CACNA1C: variants seen among roughly 807,000 people sequenced by gnomAD.
CACNA1C encodes the protein calcium voltage-gated channel subunit alpha1 C, also known as voltage-dependent L-type calcium channel subunit alpha-1C.
A neutral mutation model predicts 229.0 loss-of-function variants in CACNA1C; 30 were observed. The ratio of observed to expected loss-of-function variants is 0.13; its 90% CI spans 0.10 to 0.18. The LOEUF (loss-of-function observed/expected upper bound fraction) is 0.18, where lower values mean the gene tolerates loss of function less well. CACNA1C is among the 10% of genes least tolerant of loss of function. The pLI is 1.00. For missense variants in CACNA1C, 1,658 were observed against 2,845.0 expected (o/e 0.58, Z 9.49); for synonymous variants, 1,114 against 1,132.5 (o/e 0.98, Z 0.33).
chr12:2,201,331 G>T (rs2097574710), intron 3 of CACNA1C, among the ~76,000 whole-genome samples: 1 of 152,192 alleles, frequency 6.6e-6, no homozygotes. Context: ...ATAGTTTGGT[G>T]TTCTTATGTG....
intron 5 of CACNA1C, among the ~76,000 whole-genome samples, chr12:2,483,574 A>C (rs561917617): frequency 2.3e-4 from 35 of 152,204 alleles, no homozygotes; most frequent in Non-Finnish European, 4.4e-4. Flanking sequence ...TATAATTAGC[A>C]TGTATTATTT....
Position 2,519,447 on chromosome 12 carries a change from C to T in CACNA1C, c.1390+6463C>T, listed in dbSNP as rs142484281. On this transcript the variant is annotated intron_variant, in intron 9 of 46. Coordinates refer to ENST00000399655, the MANE Select transcript of CACNA1C (RefSeq NM_000719.7). ...AGAATTGACTTCCTTGTGGCATCACCGATGACATCCTTTCAAAGTCATTTC... is the reference window on the plus strand; with the variant it reads ...AGAATTGACTTCCTTGTGGCATCACTGATGACATCCTTTCAAAGTCATTTC... Among the ~76,000 whole-genome samples, 409 of 152,324 alleles carry T rather than the reference C, an allele frequency of 2.7e-3. 4 individuals carry two copies. Among genetic ancestry groups the T allele is most frequent in the African/African-American group, 9.4e-3 (390 of 41,564 alleles).
chr12:2,028,781 C>T (rs552801656), intron 1 of CACNA1C, among the ~76,000 whole-genome samples: 46 of 138,566 alleles, frequency 3.3e-4, no homozygotes, highest in African/African-American at 1.2e-3. Flanking sequence ...TCTGTTTTCT[C>T]GATTGTAAAA....
At position 2,078,759 on chromosome 12, in the gene CACNA1C, C is replaced by T. The variant is rs1195909821; in HGVS notation, c.49+25148C>T. ...ATCTAGAACTAGAAATACCATTTGA[C>T]CCAGCCATCCCATTACTGGGTATAT... On this transcript the variant is annotated intron_variant, in intron 1 of 46. Coordinates refer to ENST00000399655, the MANE Select transcript of CACNA1C (RefSeq NM_000719.7). Among the ~76,000 whole-genome samples the T allele has an allele frequency of 5.9e-5, 9 of 152,256 alleles. No homozygotes were observed. The South Asian group carries it at 1.5e-3, about 25-fold the overall frequency.
At chr12:2,169,629 G>A (rs2096393517) in intron 3 of CACNA1C, among the ~76,000 whole-genome samples, 1 of 152,192 alleles carries the variant, frequency 6.6e-6, no homozygotes, top group African/African-American at 2.4e-5. Flanking sequence ...TGGAACATGT[G>A]GTCGCAGCAT....
At chr12:2,125,052 C>T (rs1216043994) in intron 3 of CACNA1C, among the ~76,000 whole-genome samples, 1 of 151,966 alleles carries the variant, frequency 6.6e-6, no homozygotes, top group Non-Finnish European at 1.5e-5. Context: ...CACAGCCAGA[C>T]CCTGGAGAAC....
chr12:2,015,666 A>T (rs955457276), intron 1 of CACNA1C, among the ~76,000 whole-genome samples: 24 of 152,208 alleles, frequency 1.6e-4, no homozygotes, highest in Non-Finnish European at 2.9e-5. Flanking sequence ...GCTCATCCAG[A>T]GGAGTTAATA....
chr12:2,586,876 G>A (rs1406507886), intron 18 of CACNA1C, among the ~76,000 whole-genome samples: 1 of 152,196 alleles, frequency 6.6e-6, no homozygotes, highest in Non-Finnish European at 1.5e-5. Context: ...GAAAGAACAG[G>A]AAGGGCGTTT....
Position 2,034,414 on chromosome 12 carries a change from A to G in CACNA1C, c.139+63213A>G, listed in dbSNP as rs2048745467. ...ACGCAACCTGATAAAGAACTTGCTC[A>G]TGGTCAGAGTTGTCCAGAGATGGGA... On this transcript the variant is annotated intron_variant, in intron 1 of 46. Coordinates refer to the CACNA1C transcript ENST00000682462. This position sits in a 1 kb window ranked among gnomAD's most constrained non-coding sequence, Gnocchi z 4.1. Among the ~76,000 whole-genome samples the G allele has an allele frequency of 6.6e-6, 1 of 152,232 alleles. No individual in the cohort carries two copies.
chr12:2,360,347 C>T (rs887146191), intron 3 of CACNA1C, among the ~76,000 whole-genome samples: 49 of 152,274 alleles, frequency 3.2e-4, no homozygotes, highest in African/African-American at 9.9e-4. Flanking sequence ...GCTCAGGAGC[C>T]CAGGCCACAC....
At chr12:2,412,792 G>A (rs2098823019) in intron 3 of CACNA1C, among the ~76,000 whole-genome samples, 1 of 152,156 alleles carries the variant, frequency 6.6e-6, no homozygotes, top group Admixed American at 6.5e-5. Context: ...AGGAATAAAC[G>A]TGTCTGAATG....
chr12:2,575,639 A>AT lies in CACNA1C; in HGVS notation c.1896-5942dup, dbSNP rs140476041. ...AGATCACTTGCCACCGAAACTAAGA[A>AT]TTTTTTTTTAGCCTTCAGGATGAGA... On this transcript the variant is annotated intron_variant, in intron 13 of 46. Transcript: ENST00000399655. This position sits in a 1 kb window ranked among gnomAD's most constrained non-coding sequence, Gnocchi z 4.0. Among the ~76,000 whole-genome samples the AT allele has an allele frequency of 1.9e-3, 294 of 151,720 alleles. No homozygotes were observed. Among genetic ancestry groups the AT allele is most frequent in the Non-Finnish European group, 3.7e-3 (251 of 67,886 alleles).
chr12:2,687,538 C>CTTTT (rs35920419), intron 45 of CACNA1C, among the ~76,000 whole-genome samples: 1 of 138,204 alleles, frequency 7.2e-6, no homozygotes, highest in African/African-American at 2.7e-5. Context: ...TACCGTGTGA[C>CTTTT]TTTTTTTTTT....
chr12:2,653,693 T>C lies in CACNA1C; in HGVS notation c.4075-142T>C. ...CCTTCTCGCAGGTTCCCCGTAGTCC[T>C]GTGGGACTCTTGGAAGTGTCCCCCG... On this transcript the variant is annotated intron_variant, in intron 32 of 46. Coordinates refer to ENST00000399655, the MANE Select transcript of CACNA1C (RefSeq NM_000719.7). The surrounding 1 kb of genome is among the most constrained non-coding windows in gnomAD (Gnocchi z 4.7). The C allele has an allele frequency of 1.4e-6, 1 of 690,430 alleles. No individual in the cohort carries two copies. Among genetic ancestry groups the C allele is most frequent in the Non-Finnish European group, 2.6e-6 (1 of 386,782 alleles). The allele number at this position is 690,430 out of a possible 1,614,324, so 42.8% of individuals were successfully genotyped here. A position where few individuals can be genotyped will look rare whatever the true frequency, so the allele number is the denominator to read the frequency against.
At chr12:2,030,824 C>A (rs1053001993) in intron 1 of CACNA1C, among the ~76,000 whole-genome samples, 1 of 152,204 alleles carries the variant, frequency 6.6e-6, no homozygotes, top group South Asian at 2.1e-4. Flanking sequence ...GCTCAGGGAA[C>A]TTAGTTGAGG....
chr12:2,058,334 C>T (rs186817835), intron 1 of CACNA1C, among the ~76,000 whole-genome samples: 2,215 of 152,298 alleles, frequency 0.015, 198 homozygotes, highest in Admixed American at 0.13. Flanking sequence ...CAGTGCTGAG[C>T]ATTCAGATTT....
rs569182295 is a variant in CACNA1C at position 2,639,726 on chromosome 12, T to C, written c.3912+5346T>C. Among the ~76,000 whole-genome samples, 1 of 152,262 alleles carries C rather than the reference T, an allele frequency of 6.6e-6. No individual in the cohort carries two copies. The highest frequency in any genetic ancestry group is 2.1e-4 in the South Asian group (1 of 4,820). ...TGCTGGGTTCTGAGGTGGTGTTTCC[T>C]GTCATCAGGCGCCCATGGTGTCATG... On this transcript the variant is annotated intron_variant, in intron 30 of 46. Coordinates refer to ENST00000399655, the MANE Select transcript of CACNA1C (RefSeq NM_000719.7). This position sits in a 1 kb window ranked among gnomAD's most constrained non-coding sequence, Gnocchi z 4.2.
chr12:1,998,103 T>C, intron 1 of CACNA1C: 4 of 707,136 alleles, frequency 5.7e-6, no homozygotes, highest in Non-Finnish European at 9.0e-6. Flanking sequence ...ACATGAGGAG[T>C]TATTCTCAGG....
At chr12:2,429,740 C>G (rs2099065084) in intron 3 of CACNA1C, among the ~76,000 whole-genome samples, 1 of 152,138 alleles carries the variant, frequency 6.6e-6, no homozygotes, top group South Asian at 2.1e-4. Context: ...AGATACCAGT[C>G]CCTCTGCTCA....
Sources: allele counts gnomAD v4.1 joint callset (sites outside exome capture counted in the v4.1 genomes callset), GRCh38; gene constraint gnomAD v4.1.1; non-coding constraint Gnocchi (gnomAD v3.1); transcripts MANE v1.5; gene names NCBI Gene and HGNC (gene_info 2026-07-23, HGNC 2026-07-21).